MCM7: variants seen among roughly 807,000 people sequenced by gnomAD.
The protein encoded by MCM7 is DNA replication licensing factor MCM7.
A neutral mutation model predicts 83.5 loss-of-function variants in MCM7; 95 were observed. The observed-to-expected ratio is 1.14, with a 90% CI of 0.96 to 1.35. The LOEUF (loss-of-function observed/expected upper bound fraction) is 1.35, where lower values mean the gene tolerates loss of function less well. Among genes scored for constraint, MCM7 ranks in the 40% most tolerant of loss-of-function variants. The pLI is 0.00. For synonymous variants in MCM7, 461 were observed against 352.7 expected (o/e 1.31, Z -3.44); for missense variants, 1,087 against 957.4 (o/e 1.14, Z -1.79).
Position 100,094,295 on chromosome 7 carries a change from ACT to A in MCM7, c.1724_1725del (p.Glu575ValfsTer4), listed in dbSNP as rs1246252305. On this transcript the variant is annotated frameshift_variant, in exon 13 of 15. Coordinates refer to ENST00000303887, the MANE Select transcript of MCM7 (RefSeq NM_005916.5). LOFTEE classifies it high-confidence loss of function. ...GCTGCTGTGATGTAGTCAGCCAGAG[ACT>A]CTGGCACCATGGGCTGCTTCTCGCG... ...MCREKQPMVP[E>X]SLADYITAAY... The A allele has an allele frequency of 3.7e-6, 6 of 1,613,854 alleles. No homozygotes were observed. Among genetic ancestry groups the A allele is most frequent in the Non-Finnish European group, 5.1e-6 (6 of 1,179,958 alleles).
chr7:100,101,346 T>G lies in MCM7; in HGVS notation c.-52A>C. ...TTGGCGGGCTCAGAGGTCTTGCTCC[T>G]GGGGAAGCTGAGAATCTCCGCGCGG... On this transcript the variant is annotated 5_prime_UTR_variant, in exon 1 of 15. Coordinates refer to ENST00000303887, the MANE Select transcript of MCM7 (RefSeq NM_005916.5). 1 of 1,610,700 alleles carries G rather than the reference T, an allele frequency of 6.2e-7. No homozygotes were observed. The highest frequency in any genetic ancestry group is 8.5e-7 in the Non-Finnish European group (1 of 1,179,052).
At position 100,100,017 on chromosome 7, in the gene MCM7, C is replaced by A. The variant is rs200663471; in HGVS notation, c.108G>T (p.Gln36His). The A allele has an allele frequency of 1.2e-6, 2 of 1,613,864 alleles. No individual in the cohort carries two copies. Among genetic ancestry groups the A allele is most frequent in the African/African-American group, 2.7e-5 (2 of 75,038 alleles). The stretch of plus-strand genomic sequence containing the variant: ...CTTTACCCAATCTTAGACTTACCAA[C>A]TGGTTCCCATACTTGAACTGCTTCT... ...LGKKQFKYGN[Q>H]LVRLAHREQV... Residue 36 changes from glutamine to histidine, a missense_variant, in exon 2 of 15, where the codon CAG (glutamine) becomes CAT (histidine). Gln to His is a conservative substitution (Grantham distance 24, BLOSUM62 0). Transcript: ENST00000303887.
At position 100,096,043 on chromosome 7, in the gene MCM7, G is replaced by A. The variant is rs749702979; in HGVS notation, c.1326C>T (p.Cys442=). ...CCATCTTGTCGAACTCATCAATGCA[G>A]CACACACCCTGGTCAGCCAGCACCA... ...GALVLADQGV[C]CIDEFDKMAE... The change falls in exon 11 of 15, where the codon TGC becomes TGT. Residue 442 remains cysteine (C), a synonymous_variant. Transcript: ENST00000303887. The A allele has an allele frequency of 5.0e-6, 8 of 1,613,868 alleles. No homozygotes were observed. Among genetic ancestry groups the A allele is most frequent in the Admixed American group, 3.3e-5 (2 of 59,982 alleles).
chr7:100,096,341 C>G (rs1189236794), intron 10 of MCM7, among the ~76,000 whole-genome samples, 174 bp from the exon 11 acceptor site: 1 of 152,194 alleles, frequency 6.6e-6, no homozygotes, highest in Non-Finnish European at 1.5e-5. Context: ...CCCCCTTCCC[C>G]TCCCACTGGT....
At position 100,097,605 on chromosome 7, in the gene MCM7, TC is replaced by T; in HGVS notation, c.1117+8del. ...ATCCACCCTGAGCCTCTCCCTTGTT[TC>T]TTCTTACCCCGGATTTTCATGCCTC... On this transcript the variant is annotated splice_region_variant and intron_variant, in intron 9 of 14. Coordinates refer to ENST00000303887, the MANE Select transcript of MCM7 (RefSeq NM_005916.5). 4 of 1,613,474 alleles carry T rather than the reference TC, an allele frequency of 2.5e-6. No individual in the cohort carries two copies. The highest frequency in any genetic ancestry group is 3.4e-6 in the Non-Finnish European group (4 of 1,180,032).
chr7:100,099,418 C>CA lies in MCM7; in HGVS notation c.277-16dup, dbSNP rs749189763. Reference sequence around the variant, plus strand: ...TTATTTACCACCTAAAGGAGAAGAACAAAAAAAAAAAAAAAAAAGAGCAAC... The same window carrying CA: ...TTATTTACCACCTAAAGGAGAAGAACAAAAAAAAAAAAAAAAAAAGAGCAAC... On this transcript the variant is annotated splice_polypyrimidine_tract_variant and intron_variant, in intron 3 of 14. Transcript: ENST00000303887. The CA allele has an allele frequency of 0.23, 290,299 of 1,266,244 alleles. 4,229 individuals are homozygous for CA. Among genetic ancestry groups the CA allele is most frequent in the Middle Eastern group, 0.31 (1,082 of 3,510 alleles). The allele number at this position is 1,266,244 out of a possible 1,614,324, so 78.4% of individuals were successfully genotyped here.
rs375133571 is a variant in MCM7, at chr7:100,093,504, C to T, written c.1849-103G>A. The T allele has an allele frequency of 6.8e-5, 70 of 1,031,222 alleles. 1 individual carries two copies. The highest frequency in any genetic ancestry group is 6.3e-4 in the African/African-American group (40 of 63,606). The allele number at this position is 1,031,222 out of a possible 1,614,324, so 63.9% of individuals were successfully genotyped here. ...CTTTAAGGCTGGGCAGCCCATGGGT[C>T]GCCTACTCACAAAACAGGAGTGGAA... On this transcript the variant is annotated intron_variant, in intron 13 of 14. Transcript: ENST00000303887.
rs752326377 is a variant in MCM7 at position 100,097,310 on chromosome 7, C to T, written c.1192G>A (p.Ala398Thr). Residue 398 changes from alanine to threonine, a missense_variant, in exon 10 of 15, where the codon GCG becomes ACG. Coordinates refer to ENST00000303887, the MANE Select transcript of MCM7 (RefSeq NM_005916.5). ...AAGCCCAACTACTTACTGCGAGGCG[C>T]CAGTCGATCAATGTATGACAGGAGC... ...SQLLSYIDRL[A>T]PRSQYTTGRG... 1.1e-5 allele frequency: 17 copies of T among 1,613,990 alleles called. No homozygotes were observed. The African/African-American group carries it at 2.0e-4, about 19-fold the overall frequency.
At chr7:100,099,782 C>T in intron 2 of MCM7, 29 bp from the exon 3 acceptor site, 1 of 1,611,330 alleles carries the variant, frequency 6.2e-7, no homozygotes, top group Non-Finnish European at 8.5e-7. Context: ...AGAAACACCT[C>T]AGAGCCACAT....
intron 6 of MCM7, 122 bp downstream of exon 6, chr7:100,098,456 G>T: frequency 6.6e-7 from 1 of 1,516,782 alleles, no homozygotes; most frequent in Non-Finnish European, 9.0e-7. Flanking sequence ...GGAAATTCTA[G>T]TTCCACCTCC....
Position 100,096,134 on chromosome 7 carries a change from A to G in MCM7, c.1235T>C (p.Val412Ala), listed in dbSNP as rs867337591. 2.5e-6 allele frequency: 4 copies of G among 1,610,970 alleles called. No individual in the cohort carries two copies. Among genetic ancestry groups the G allele is most frequent in the Middle Eastern group, 3.3e-4 (2 of 6,066 alleles). ...QYTTGRGSSG[V>A]GLTAAVLRDS... ...TCTCAGCACAGCTGCCGTAAGCCCCACTCCTGAGGAGCCCCGGCCTGTTGT... is the reference window on the plus strand; with the variant it reads ...TCTCAGCACAGCTGCCGTAAGCCCCGCTCCTGAGGAGCCCCGGCCTGTTGT... The change falls in exon 11 of 15, where the codon GTG (valine) becomes GCG (alanine). Residue 412 changes from valine to alanine, a missense_variant. Val to Ala is a moderately conservative substitution (Grantham distance 64, BLOSUM62 0). Transcript: ENST00000303887.
chr7:100,095,377 G>A lies in MCM7; in HGVS notation c.1679+10C>T. 1 of 1,610,726 alleles carries A rather than the reference G, an allele frequency of 6.2e-7. No individual in the cohort carries two copies. ...GCCAACGTTTGCCCACCCGCACCCAGCTCTCCTACCTCATGAGCTTCATGT... is the reference window on the plus strand; with the variant it reads ...GCCAACGTTTGCCCACCCGCACCCAACTCTCCTACCTCATGAGCTTCATGT... On this transcript the variant is annotated intron_variant, in intron 12 of 14. Coordinates refer to ENST00000303887, the MANE Select transcript of MCM7 (RefSeq NM_005916.5).
In MCM7 at chr7:100,100,045, CCGAGTT is replaced by C. The variant is rs1294419215; in HGVS notation, c.74_79del (p.Glu25_Leu26del). 1.9e-6 allele frequency: 3 copies of C among 1,614,054 alleles called. No homozygotes were observed. The African/African-American group carries it at 4.0e-5, about 22-fold the overall frequency. On this transcript the variant is annotated inframe_deletion, in exon 2 of 15. Transcript: ENST00000303887. The stretch of plus-strand genomic sequence containing the variant: ...GTTCCCATACTTGAACTGCTTCTTC[CCGAGTT>C]CATCATCCTGGTAGAACTCTTGTAA...
chr7:100,093,247 CAG>C, intron 14 of MCM7, 43 bp downstream of exon 14: 1 of 1,600,916 alleles, frequency 6.2e-7, no homozygotes, highest in Non-Finnish European at 8.5e-7. Flanking sequence ...CACATGGCCA[CAG>C]AAGACAAAGT....
Position 100,100,048 on chromosome 7 carries a change from A to G in MCM7, c.77T>C (p.Leu26Pro). ...FLQEFYQDDE[L>P]GKKQFKYGNQ... is the part of the protein sequence containing the mutation. ...CCCATACTTGAACTGCTTCTTCCCG[A>G]GTTCATCATCCTGGTAGAACTCTTG... The change falls in exon 2 of 15, where the codon CTC becomes CCC. Residue 26 changes from leucine (L) to proline (P), a missense_variant. Physicochemically the swap from Leu to Pro is moderately conservative, Grantham distance 98. Coordinates refer to ENST00000303887, the MANE Select transcript of MCM7 (RefSeq NM_005916.5). 1 of 1,614,160 alleles carries G rather than the reference A, an allele frequency of 6.2e-7. No homozygotes were observed. Among genetic ancestry groups the G allele is most frequent in the Non-Finnish European group, 8.5e-7 (1 of 1,180,006 alleles).
chr7:100,096,549 G>A (rs369898051), intron 10 of MCM7, among the ~76,000 whole-genome samples: 9 of 152,246 alleles, frequency 5.9e-5, no homozygotes, highest in Admixed American at 1.3e-4. Context: ...ATAACAAGGC[G>A]GGCAGATCAC....
At chr7:100,093,866 G>C (rs532390189) in intron 13 of MCM7, 1 of 651,516 alleles carries the variant, frequency 1.5e-6, no homozygotes, top group Non-Finnish European at 3.0e-6. Context: ...TCCAAGACGG[G>C]AGGACAGAAA....
chr7:100,099,566 G>A (rs1413095588), intron 3 of MCM7, 23 bp downstream of exon 3: 6 of 1,610,818 alleles, frequency 3.7e-6, no homozygotes, highest in East Asian at 2.2e-5. Context: ...CCCTTTGTTT[G>A]CCATTGTTCT....
chr7:100,096,113 A>G lies in MCM7; in HGVS notation c.1256T>C (p.Leu419Pro), dbSNP rs756344140. The change falls in exon 11 of 15, where the codon CTG becomes CCG. Residue 419 changes from leucine to proline, a missense_variant. Transcript: ENST00000303887. Reference sequence around the variant, plus strand: ...CAGTTCTCCACTCACGGAGTCTCTCAGCACAGCTGCCGTAAGCCCCACTCC... The same window carrying G: ...CAGTTCTCCACTCACGGAGTCTCTCGGCACAGCTGCCGTAAGCCCCACTCC... ...SSGVGLTAAVLRDSVSGELTL... is the reference protein window; with the variant it reads ...SSGVGLTAAVPRDSVSGELTL... The G allele has an allele frequency of 6.2e-7, 1 of 1,613,884 alleles. No homozygotes were observed. Among genetic ancestry groups the G allele is most frequent in the Non-Finnish European group, 8.5e-7 (1 of 1,179,882 alleles).
Sources: gnomAD v4.1 joint callset for allele counts (sites outside exome capture counted in the v4.1 genomes callset) on GRCh38, gnomAD v4.1.1 for gene constraint, MANE v1.5 for transcripts, NCBI Gene and HGNC (gene_info 2026-07-23, HGNC 2026-07-21) for gene names.